Variants in UBE2D3 observed in about 807,000 individuals in gnomAD.
UBE2D3 encodes the protein ubiquitin-conjugating enzyme E2 D3.
In UBE2D3, 2 loss-of-function variants were observed where a neutral mutation model predicts 22.8. That is an observed-to-expected ratio of 0.09 (90% CI 0.04 to 0.28). UBE2D3 has a LOEUF of 0.28. UBE2D3 is among the 10% of genes least tolerant of loss of function. The pLI is 1.00. For synonymous variants in UBE2D3, 56 were observed against 60.4 expected (o/e 0.93, Z 0.34); for missense variants, 27 against 182.5 (o/e 0.15, Z 4.91).
chr4:102,824,002 G>A (rs1730044003), intron 2 of UBE2D3, among the ~76,000 whole-genome samples: 1 of 152,164 alleles, frequency 6.6e-6, no homozygotes, highest in South Asian at 2.1e-4. Context: ...TAGAAGAGGT[G>A]CCTAAACCGA....
chr4:102,862,144 T>A (rs1479968670), intron 1 of UBE2D3, among the ~76,000 whole-genome samples: 1 of 152,028 alleles, frequency 6.6e-6, no homozygotes, highest in African/African-American at 2.4e-5. Flanking sequence ...CCCAGTTTTG[T>A]TTCTTTAGTT....
At chr4:102,835,238 AACAT>A (rs1731329459) in intron 1 of UBE2D3, among the ~76,000 whole-genome samples, 1 of 152,196 alleles carries the variant, frequency 6.6e-6, no homozygotes, top group African/African-American at 2.4e-5. Context: ...ATATTTTCTG[AACAT>A]ACATACTTTT....
In UBE2D3 at chr4:102,804,559, T is replaced by C. The variant is rs937768531; in HGVS notation, c.121-1921A>G. Among the ~76,000 whole-genome samples, 3 of 152,202 alleles carry C rather than the reference T, an allele frequency of 2.0e-5. No homozygotes were observed. In the East Asian group the frequency reaches 5.8e-4, roughly 29 times the overall value. On this transcript the variant is annotated intron_variant, in intron 4 of 7. Coordinates refer to ENST00000453744, the MANE Select transcript of UBE2D3 (RefSeq NM_181891.3). The stretch of plus-strand genomic sequence containing the variant: ...TTAACATGTCTTTATTAAATAGTTA[T>C]ATTAATTTTGAATAGATGCTTCAAA...
chr4:102,839,103 C>T (rs548140241), intron 1 of UBE2D3, among the ~76,000 whole-genome samples: 1 of 152,216 alleles, frequency 6.6e-6, no homozygotes, highest in South Asian at 2.1e-4. Flanking sequence ...AAAGATAAAT[C>T]TACAGCTAAG....
At chr4:102,826,805 A>T in intron 1 of UBE2D3, 169 bp from the exon 2 acceptor site, 2 of 1,245,736 alleles carry the variant, frequency 1.6e-6, no homozygotes, top group Non-Finnish European at 2.0e-6. Context: ...GGGTGACGGG[A>T]AGAGCGGAGG....
chr4:102,827,731 G>C (rs1730814532), upstream of UBE2D3: 3 of 985,704 alleles, frequency 3.0e-6, no homozygotes, highest in East Asian at 3.4e-4. Context: ...TCTCGGAACA[G>C]CACCTTCTTA....
At chr4:102,799,679 A>C (rs1725818380) in intron 6 of UBE2D3, among the ~76,000 whole-genome samples, 179 bp from the exon 7 acceptor site, 1 of 152,000 alleles carries the variant, frequency 6.6e-6, no homozygotes, top group African/African-American at 2.4e-5. Context: ...CTGGTAAGTA[A>C]GAAGTGCTAA....
intron 4 of UBE2D3, 177 bp downstream of exon 4, chr4:102,809,495 A>G: frequency 1.5e-6 from 1 of 676,020 alleles, no homozygotes; most frequent in Non-Finnish European, 2.5e-6. Flanking sequence ...GACACAAAGT[A>G]CACGTAACAA....
At chr4:102,815,315 C>T (rs1359538100) in intron 2 of UBE2D3, among the ~76,000 whole-genome samples, 1 of 152,136 alleles carries the variant, frequency 6.6e-6, no homozygotes, top group Non-Finnish European at 1.5e-5. Context: ...GCTGGGATTA[C>T]AGGCGTGAGC....
chr4:102,801,208 T>G (rs1726103453), intron 6 of UBE2D3, among the ~76,000 whole-genome samples: 1 of 152,028 alleles, frequency 6.6e-6, no homozygotes, highest in Non-Finnish European at 1.5e-5. Context: ...AATTTTGCTA[T>G]TATAAGATGA....
chr4:102,801,410 T>G (rs1402994363), intron 6 of UBE2D3, 44 bp downstream of exon 6: 1 of 1,510,828 alleles, frequency 6.6e-7, no homozygotes, highest in African/African-American at 1.4e-5. Context: ...AGAATGAAGC[T>G]TTATTAGACA....
At chr4:102,825,022 A>C (rs898943991) in intron 2 of UBE2D3, among the ~76,000 whole-genome samples, 2 of 152,230 alleles carry the variant, frequency 1.3e-5, no homozygotes, top group Admixed American at 1.3e-4. Context: ...TGAAGGCCCA[A>C]AACAAAATTC....
intron 6 of UBE2D3, among the ~76,000 whole-genome samples, chr4:102,801,156 C>T (rs1726096543): frequency 6.6e-6 from 1 of 151,802 alleles, no homozygotes; most frequent in South Asian, 2.1e-4. Flanking sequence ...GTGAGATGTC[C>T]AAGTGGTTTG....
At chr4:102,835,075 C>G (rs1731319559) in intron 1 of UBE2D3, among the ~76,000 whole-genome samples, 1 of 152,112 alleles carries the variant, frequency 6.6e-6, no homozygotes, top group South Asian at 2.1e-4. Flanking sequence ...AACCACCAGT[C>G]TAATGAATAT....
At chr4:102,856,359 G>A (rs977631899) in intron 1 of UBE2D3, among the ~76,000 whole-genome samples, 5 of 151,860 alleles carry the variant, frequency 3.3e-5, no homozygotes, top group African/African-American at 1.2e-4. Flanking sequence ...AGAGCAAGAC[G>A]GTCTCAAAAA....
upstream of UBE2D3, among the ~76,000 whole-genome samples, chr4:102,831,746 G>A (rs1281288215): frequency 2.0e-5 from 3 of 152,084 alleles, no homozygotes; most frequent in African/African-American, 7.2e-5. Context: ...ACAAACACAG[G>A]TTAAAAAAAT....
In UBE2D3 at chr4:102,844,232, T is replaced by G. The variant is rs1285362816; in HGVS notation, c.-128-17596A>C. Among the ~76,000 whole-genome samples, 2 of 152,116 alleles carry G rather than the reference T, an allele frequency of 1.3e-5. 1 individual carries two copies. Among genetic ancestry groups the G allele is most frequent in the East Asian group, 3.9e-4 (2 of 5,192 alleles). On this transcript the variant is annotated intron_variant, in intron 1 of 7. Transcript: ENST00000338145. ...GCACTAATCTCTGCAATTCTTTTGGTTTTTCTATTTTGCTTTTTTATGTTT... is the reference window on the plus strand; with the variant it reads ...GCACTAATCTCTGCAATTCTTTTGGGTTTTCTATTTTGCTTTTTTATGTTT...
chr4:102,847,816 A>C (rs371469066), intron 1 of UBE2D3, among the ~76,000 whole-genome samples: 3 of 151,848 alleles, frequency 2.0e-5, no homozygotes, highest in East Asian at 3.9e-4. Flanking sequence ...GCTAATTAAA[A>C]AAAAATTTTT....
intron 2 of UBE2D3, chr4:102,812,743 C>T (rs1728223619): frequency 6.6e-6 from 1 of 151,998 alleles, no homozygotes; most frequent in Non-Finnish European, 1.5e-5. Context: ...ATTGAAATTT[C>T]GAGAAACACT....
Sources: gnomAD v4.1 joint callset for allele counts (sites outside exome capture counted in the v4.1 genomes callset) on GRCh38, gnomAD v4.1.1 for gene constraint, MANE v1.5 for transcripts, NCBI Gene and HGNC (gene_info 2026-07-23, HGNC 2026-07-21) for gene names.